Variants in EML5 observed in about 807,000 individuals in gnomAD.
EML5 encodes EMAP like 5.
A neutral mutation model predicts 250.0 loss-of-function variants in EML5; 120 were observed. The ratio of observed to expected loss-of-function variants is 0.48; its 90% confidence interval spans 0.41 to 0.56. The LOEUF (loss-of-function observed/expected upper bound fraction) is 0.56. EML5 is among the 20% of genes least tolerant of loss of function. EML5 has a pLI of 0.00. For synonymous variants in EML5, 771 were observed against 806.5 expected (o/e 0.96, Z 0.75); for missense variants, 2,006 against 2,437.6 (o/e 0.82, Z 3.73).
chr14:88,655,505 A>G (rs1161352442), intron 27 of EML5, among the ~76,000 whole-genome samples: 1 of 152,206 alleles, frequency 6.6e-6, no homozygotes, highest in Admixed American at 6.5e-5. Flanking sequence ...TAAACATAAG[A>G]CCTAAAACCA....
chr14:88,706,250 A>G lies in EML5; in HGVS notation c.1825+9T>C. 1 of 1,583,178 alleles carries G rather than the reference A, an allele frequency of 6.3e-7. No individual in the cohort carries two copies. The highest frequency in any genetic ancestry group is 8.6e-7 in the Non-Finnish European group (1 of 1,169,574). On this transcript the variant is annotated intron_variant, in intron 11 of 43. Transcript: ENST00000554922. ...CAGGGAAACTGTTTAGCTAATGCATACTACTCACCTTGGGGTGCTATGTGA... is the reference window on the plus strand; with the variant it reads ...CAGGGAAACTGTTTAGCTAATGCATGCTACTCACCTTGGGGTGCTATGTGA...
chr14:88,708,421 A>C (rs1193402083), intron 10 of EML5, among the ~76,000 whole-genome samples: 2 of 152,176 alleles, frequency 1.3e-5, no homozygotes, highest in Non-Finnish European at 2.9e-5. Flanking sequence ...TAAAGACAGC[A>C]GTGGTGTCTT....
intron 8 of EML5, among the ~76,000 whole-genome samples, chr14:88,724,778 A>G (rs1381032534): frequency 2.0e-5 from 3 of 152,196 alleles, no homozygotes; most frequent in Admixed American, 2.0e-4. Context: ...GTTTCTATTT[A>G]TTATTTCTAA....
At chr14:88,736,633 T>C in intron 6 of EML5, 68 bp from the exon 7 acceptor site, 1 of 1,497,878 alleles carries the variant, frequency 6.7e-7, no homozygotes, top group Non-Finnish European at 9.2e-7. Context: ...GGCAGACAAA[T>C]CCCTATGCAG....
At chr14:88,751,115 G>A (rs1346346089) in intron 2 of EML5, among the ~76,000 whole-genome samples, 3 of 152,162 alleles carry the variant, frequency 2.0e-5, no homozygotes, top group Non-Finnish European at 2.9e-5. Flanking sequence ...CTGTAGGCTT[G>A]ATAAACATAT....
chr14:88,678,631 T>C (rs904470395), intron 21 of EML5, among the ~76,000 whole-genome samples: 11 of 152,134 alleles, frequency 7.2e-5, no homozygotes, highest in Non-Finnish European at 2.9e-5. Flanking sequence ...ATTAATACCA[T>C]TATTTCAAAA....
chr14:88,658,133 A>G (rs901822460), intron 26 of EML5, 54 bp downstream of exon 26: 1 of 1,564,810 alleles, frequency 6.4e-7, no homozygotes, highest in African/African-American at 1.4e-5. Flanking sequence ...CAGCTTAAAC[A>G]AGTTGTGCTA....
Position 88,697,607 on chromosome 14 carries a change from C to T in EML5, c.2239-655G>A, listed in dbSNP as rs140521211. On this transcript the variant is annotated intron_variant, in intron 14 of 43. Transcript: ENST00000554922. ...GGTAAACTATCAATTCTTAATTATT[C>T]CTCTAGACTCAAGTAATCACTTTCT... Among the ~76,000 whole-genome samples the T allele has an allele frequency of 5.8e-4, 88 of 152,204 alleles. 1 individual carries two copies. In the East Asian group the frequency reaches 0.016, roughly 27 times the overall value.
chr14:88,689,411 C>T (rs890278671), intron 17 of EML5, among the ~76,000 whole-genome samples: 7 of 152,166 alleles, frequency 4.6e-5, no homozygotes, highest in South Asian at 4.2e-4. Flanking sequence ...CTAGGGAATA[C>T]GAAATACCAA....
At chr14:88,732,595 A>C (rs2093778261) in intron 7 of EML5, among the ~76,000 whole-genome samples, 1 of 152,166 alleles carries the variant, frequency 6.6e-6, no homozygotes, top group African/African-American at 2.4e-5. Flanking sequence ...CACTTCTGTG[A>C]AGAAAGTCAT....
At chr14:88,784,480 A>G (rs768865036) in intron 1 of EML5, among the ~76,000 whole-genome samples, 1 of 152,204 alleles carries the variant, frequency 6.6e-6, no homozygotes, top group African/African-American at 2.4e-5. Flanking sequence ...GCAGAAATTC[A>G]AAGGATCATT....
At position 88,738,947 on chromosome 14, in the gene EML5, C is replaced by A; in HGVS notation, c.779G>T (p.Arg260Leu). ...FATGGRDGCI[R>L]LWDLTFKPIT... ...TGGTTTAAAAGTTAAATCCCAAAGA[C>A]GAATACAACCATCTCTGCCACCAGT... The change falls in exon 6 of 44, where the codon CGT becomes CTT. Residue 260 changes from arginine (R) to leucine (L), a missense_variant. Coordinates refer to ENST00000554922, the MANE Select transcript of EML5 (RefSeq NM_183387.3). 1 of 1,605,846 alleles carries A rather than the reference C, an allele frequency of 6.2e-7. No individual in the cohort carries two copies. The highest frequency in any genetic ancestry group is 2.2e-5 in the East Asian group (1 of 44,696).
intron 13 of EML5, among the ~76,000 whole-genome samples, chr14:88,703,130 T>A (rs957804226): frequency 6.6e-6 from 1 of 152,108 alleles, no homozygotes; most frequent in Non-Finnish European, 1.5e-5. Context: ...ATCTAAGCTA[T>A]AATACTGAGT....
chr14:88,622,486 C>T (rs192198265), intron 37 of EML5, 118 bp downstream of exon 37: 2 of 783,388 alleles, frequency 2.6e-6, no homozygotes, highest in Non-Finnish European at 3.7e-6. Context: ...TGTTGGCAAG[C>T]AAATCCATCG....
intron 9 of EML5, among the ~76,000 whole-genome samples, chr14:88,713,807 T>G (rs2093445059): frequency 6.6e-6 from 1 of 150,912 alleles, no homozygotes; most frequent in South Asian, 2.1e-4. Flanking sequence ...CAAAGTTAGT[T>G]AGTTATATTA....
chr14:88,735,052 C>A (rs1482291819), intron 7 of EML5, among the ~76,000 whole-genome samples: 1 of 151,838 alleles, frequency 6.6e-6, no homozygotes, highest in Non-Finnish European at 1.5e-5. Flanking sequence ...TTTAAAGATA[C>A]AAACAGAAAT....
chr14:88,738,851 A>G (rs1165936851), intron 6 of EML5, 28 bp downstream of exon 6: 1 of 1,543,694 alleles, frequency 6.5e-7, no homozygotes. Flanking sequence ...GAGTTTGCCT[A>G]GTAATAAGAC....
chr14:88,669,402 T>G (rs1194455715), intron 21 of EML5, among the ~76,000 whole-genome samples: 1 of 152,184 alleles, frequency 6.6e-6, no homozygotes, highest in Non-Finnish European at 1.5e-5. Flanking sequence ...TCTCCTCTGA[T>G]GGTGCCTGGG....
At chr14:88,681,348 C>G (rs193073737) in intron 21 of EML5, among the ~76,000 whole-genome samples, 57 of 152,332 alleles carry the variant, frequency 3.7e-4, no homozygotes, top group South Asian at 1.5e-3. Context: ...CCGTGGCTCA[C>G]GCCTGTGATC....
Sources: allele counts gnomAD v4.1 joint callset (sites outside exome capture counted in the v4.1 genomes callset), GRCh38; gene constraint gnomAD v4.1.1; transcripts MANE v1.5; gene names NCBI Gene and HGNC (gene_info 2026-07-23, HGNC 2026-07-21).